The following MTHFD1L variants were observed in gnomAD, a reference collection of about 807,000 sequenced individuals.
MTHFD1L encodes monofunctional C1-tetrahydrofolate synthase, mitochondrial.
MTHFD1L carries 81 observed loss-of-function variants against 119.5 expected under a neutral mutation model. The ratio of observed to expected loss-of-function variants is 0.68; its 90% confidence interval spans 0.57 to 0.82. The LOEUF is 0.82. Among genes scored for constraint, MTHFD1L ranks in the 40% least tolerant of loss-of-function variants. The pLI is 0.00. For synonymous variants in MTHFD1L, 430 were observed against 475.2 expected (o/e 0.90, Z 1.24); for missense variants, 1,125 against 1,253.4 (o/e 0.90, Z 1.55).
intron 20 of MTHFD1L, among the ~76,000 whole-genome samples, chr6:150,988,280 C>T (rs931444134): frequency 2.0e-5 from 3 of 152,096 alleles, no homozygotes; most frequent in African/African-American, 4.8e-5. Flanking sequence ...TTTAAAATTA[C>T]GTTATATGAT....
chr6:150,869,522 C>G (rs1779041262), intron 1 of MTHFD1L, among the ~76,000 whole-genome samples: 1 of 152,054 alleles, frequency 6.6e-6, no homozygotes, highest in African/African-American at 2.4e-5. Context: ...TTTCTTATGG[C>G]TGCAATTTTA....
intron 1 of MTHFD1L, among the ~76,000 whole-genome samples, chr6:150,871,695 G>T (rs1486521359): frequency 6.6e-6 from 1 of 150,728 alleles, no homozygotes; most frequent in Non-Finnish European, 1.5e-5. Context: ...GTAGAAACGG[G>T]GTTTCACCAT....
intron 2 of MTHFD1L, among the ~76,000 whole-genome samples, chr6:150,876,873 A>AGAGCT (rs1780537418): frequency 1.3e-5 from 2 of 152,360 alleles, no homozygotes; most frequent in South Asian, 4.1e-4. Context: ...TCAGGATTAC[A>AGAGCT]GAGCTGTGCT....
Position 150,885,714 on chromosome 6 carries a change from T to C in MTHFD1L, c.623T>C (p.Ile208Thr). The change falls in exon 6 of 28, where the codon ATT becomes ACT. Residue 208 changes from isoleucine to threonine, a missense_variant. Around this residue, in one of 3 missense-constraint regions of MTHFD1L, gnomAD observed 1,058 missense variants for 1,151.2 expected, o/e 0.92. Transcript: ENST00000367321. ...CFVSPVAKAV[I>T]ELLEKSGVNL... Reference sequence around the variant, plus strand: ...GTTTCACCTGTTGCCAAAGCTGTAATTGAACTTCTTGAAAAATCAGGTAGG... The same window carrying C: ...GTTTCACCTGTTGCCAAAGCTGTAACTGAACTTCTTGAAAAATCAGGTAGG... 1 of 1,613,456 alleles carries C rather than the reference T, an allele frequency of 6.2e-7. No homozygotes were observed.
intron 20 of MTHFD1L, among the ~76,000 whole-genome samples, chr6:150,988,608 G>T (rs533756383): frequency 3.3e-4 from 12 of 35,950 alleles, no homozygotes; most frequent in African/African-American, 7.6e-4. Context: ...CTTTTTTTGT[G>T]GGGGGGGCGG....
Position 150,866,086 on chromosome 6 carries a change from C to A in MTHFD1L, c.227+37C>A, listed in dbSNP as rs1042421596. ...GTCTGGCCCTGGCCCAGGTCTCCAG[C>A]GGCTGTGGCCCCGACCCAGGGGCGG... is the stretch of plus-strand genomic sequence containing the variant. On this transcript the variant is annotated intron_variant, in intron 1 of 27. Coordinates refer to ENST00000367321, the MANE Select transcript of MTHFD1L (RefSeq NM_015440.5). 6.8e-6 allele frequency: 10 copies of A among 1,479,684 alleles called. No individual in the cohort carries two copies. In the Admixed American group the frequency reaches 9.2e-5, roughly 14 times the overall value. 91.7% of individuals were successfully genotyped at this position (1,479,684 alleles called of 1,614,324 possible). A position where few individuals can be genotyped will look rare whatever the true frequency, so the allele number is the denominator to read the frequency against.
chr6:150,882,702 T>C, intron 4 of MTHFD1L, 60 bp from the exon 5 acceptor site: 2 of 1,249,044 alleles, frequency 1.6e-6, no homozygotes, highest in Non-Finnish European at 2.1e-6. Flanking sequence ...TAAAGCTTCC[T>C]TTGTTGGGTC....
intron 20 of MTHFD1L, among the ~76,000 whole-genome samples, chr6:150,997,321 C>T (rs1562513350): frequency 6.6e-6 from 1 of 152,204 alleles, no homozygotes; most frequent in South Asian, 2.1e-4. Flanking sequence ...TACAAAATAA[C>T]GTTCAAACTG....
chr6:150,990,914 G>A (rs1480056403), intron 20 of MTHFD1L, among the ~76,000 whole-genome samples: 2 of 152,164 alleles, frequency 1.3e-5, no homozygotes, highest in Admixed American at 1.3e-4. Flanking sequence ...GGAGCGCAGT[G>A]GTGCGATCTC....
intron 26 of MTHFD1L, among the ~76,000 whole-genome samples, chr6:151,050,193 C>T (rs1388656684): frequency 1.3e-5 from 2 of 152,164 alleles, no homozygotes; most frequent in African/African-American, 2.4e-5. Context: ...GACAGAGTCT[C>T]GCTCTGCTGC....
At chr6:151,006,208 C>T (rs1359669672) in intron 20 of MTHFD1L, among the ~76,000 whole-genome samples, 3 of 140,020 alleles carry the variant, frequency 2.1e-5, no homozygotes, top group South Asian at 2.4e-4. Flanking sequence ...GTGGGATGGG[C>T]GGGAGGAGTA....
intron 7 of MTHFD1L, among the ~76,000 whole-genome samples, chr6:150,899,374 A>T (rs939855013): frequency 6.6e-6 from 1 of 152,164 alleles, no homozygotes; most frequent in East Asian, 1.9e-4. Context: ...AAAGAAACAC[A>T]CCCAATTCCT....
At chr6:150,909,394 A>G (rs1231906351) in intron 8 of MTHFD1L, among the ~76,000 whole-genome samples, 1 of 151,928 alleles carries the variant, frequency 6.6e-6, no homozygotes, top group East Asian at 1.9e-4. Flanking sequence ...CTCCCTCCTC[A>G]GCTAATTAAA....
At chr6:150,870,648 C>T (rs1287372621) in intron 1 of MTHFD1L, among the ~76,000 whole-genome samples, 1 of 152,044 alleles carries the variant, frequency 6.6e-6, no homozygotes, top group Admixed American at 6.6e-5. Context: ...CGTGGTAGCT[C>T]ATGACTGTAA....
rs1290821658 is a variant in MTHFD1L at position 150,876,152 on chromosome 6, A to T, written c.290A>T (p.Lys97Met). ...SLLQEKNPAF[K>M]PVLAIIQAGD... ...TTGCAAGAAAAAAACCCTGCCTTCAAGCCGGTTCTTGCAATTATCCAGGTA... is the reference window on the plus strand; with the variant it reads ...TTGCAAGAAAAAAACCCTGCCTTCATGCCGGTTCTTGCAATTATCCAGGTA... The change falls in exon 2 of 28, where the codon AAG (lysine) becomes ATG (methionine). Residue 97 changes from lysine to methionine, a missense_variant. Physicochemically the swap from Lys to Met is moderately conservative, Grantham distance 95. Transcript: ENST00000367321. The T allele has an allele frequency of 6.3e-7, 1 of 1,599,466 alleles. No individual in the cohort carries two copies. The highest frequency in any genetic ancestry group is 8.5e-7 in the Non-Finnish European group (1 of 1,173,552).
intron 20 of MTHFD1L, among the ~76,000 whole-genome samples, chr6:150,989,605 G>A (rs1443881089): frequency 6.6e-6 from 1 of 152,010 alleles, no homozygotes; most frequent in African/African-American, 2.4e-5. Flanking sequence ...TTCTTTTTTT[G>A]TTAGCCATAA....
intron 17 of MTHFD1L, chr6:150,959,304 TTC>T (rs1217081364): frequency 4.6e-6 from 3 of 648,950 alleles, no homozygotes; most frequent in South Asian, 6.9e-5. Context: ...GGCACAGCCA[TTC>T]TCTCTCTGCG....
chr6:150,928,752 C>T (rs891509548), intron 11 of MTHFD1L, among the ~76,000 whole-genome samples: 4 of 152,004 alleles, frequency 2.6e-5, no homozygotes, highest in African/African-American at 7.2e-5. Flanking sequence ...CCACATTAGC[C>T]AGGCTGGCCT....
chr6:150,877,572 G>T lies in MTHFD1L; in HGVS notation c.313-62G>T, dbSNP rs1780651316. 5 of 1,546,910 alleles carry T rather than the reference G, an allele frequency of 3.2e-6. No homozygotes were observed. In the South Asian group the frequency reaches 5.7e-5, roughly 18 times the overall value. On this transcript the variant is annotated intron_variant, in intron 2 of 27. Transcript: ENST00000367321. ...TCTGTAATCACAAAATTCATCTCTGGATTATCTTTTGTGCCTTTTCAAGCT... is the reference window on the plus strand; with the variant it reads ...TCTGTAATCACAAAATTCATCTCTGTATTATCTTTTGTGCCTTTTCAAGCT...
Sources: allele counts gnomAD v4.1 joint callset (sites outside exome capture counted in the v4.1 genomes callset), GRCh38; gene constraint gnomAD v4.1.1; regional missense constraint gnomAD v4.1.1; transcripts MANE v1.5; gene names NCBI Gene and HGNC (gene_info 2026-07-23, HGNC 2026-07-21).